Variants in STAT5B observed in about 807,000 individuals in gnomAD.
STAT5B encodes signal transducer and activator of transcription 5B.
In STAT5B, 21 loss-of-function variants were observed where a neutral mutation model predicts 107.8. The observed-to-expected ratio is 0.19, with a 90% CI of 0.14 to 0.28. STAT5B has a LOEUF of 0.28. Among genes scored for constraint, STAT5B ranks in the 10% least tolerant of loss-of-function variants. STAT5B has a pLI of 1.00. For missense variants in STAT5B, 565 were observed against 1,008.2 expected, an observed-to-expected ratio of 0.56 and a Z score of 5.95; for synonymous variants, 325 against 401.7, an observed-to-expected ratio of 0.81 and a Z score of 2.28.
chr17:42,283,564 CAG>C, the STAT5B span, among the ~76,000 whole-genome samples: 3 of 152,360 alleles, frequency 2.0e-5, no homozygotes, highest in Non-Finnish European at 2.9e-5. Flanking sequence ...TTCCCAGAAA[CAG>C]AGGACAGTCA....
chr17:42,281,320 T>A (rs1433853303), upstream of STAT5B, among the ~76,000 whole-genome samples: 1 of 152,078 alleles, frequency 6.6e-6, no homozygotes, highest in Non-Finnish European at 1.5e-5. Flanking sequence ...CCCCAGCAAC[T>A]GTTGTTGCCC....
At chr17:42,254,071 A>G (rs1366823696) in intron 1 of STAT5B, among the ~76,000 whole-genome samples, 1 of 152,174 alleles carries the variant, frequency 6.6e-6, no homozygotes. Context: ...ACAGTGGTAG[A>G]AAATCACTTT....
the STAT5B span, among the ~76,000 whole-genome samples, chr17:42,284,628 C>T: frequency 6.6e-6 from 1 of 152,250 alleles, no homozygotes; most frequent in Non-Finnish European, 1.5e-5. Context: ...GTGCACAGAG[C>T]ACACTGTCCC....
At chr17:42,230,747 G>C (rs2080310800) in intron 2 of STAT5B, among the ~76,000 whole-genome samples, 1 of 151,696 alleles carries the variant, frequency 6.6e-6, no homozygotes, top group Non-Finnish European at 1.5e-5. Flanking sequence ...TGCAACCTCT[G>C]CCTCCCGACT....
At chr17:42,222,008 CTG>C (rs1233830184) in intron 5 of STAT5B, among the ~76,000 whole-genome samples, 10 of 96,950 alleles carry the variant, frequency 1.0e-4, no homozygotes, top group African/African-American at 3.2e-4. Flanking sequence ...TGTGTGTGTG[CTG>C]TGTGTGGTGT....
Position 42,201,699 on chromosome 17 carries a change from G to A in STAT5B, c.*39C>T. On this transcript the variant is annotated 3_prime_UTR_variant, in exon 19 of 19. Transcript: ENST00000293328. ...AAACATCCACAAGAGTGATTCCTCTGGTGAAGATGAAGAAGCTGAAGATGG... is the reference window on the plus strand; with the variant it reads ...AAACATCCACAAGAGTGATTCCTCTAGTGAAGATGAAGAAGCTGAAGATGG... The A allele has an allele frequency of 8.2e-7, 1 of 1,225,778 alleles. No individual in the cohort carries two copies. The highest frequency in any genetic ancestry group is 1.2e-6 in the Non-Finnish European group (1 of 825,154). The allele number at this position is 1,225,778 out of a possible 1,614,324, so 75.9% of individuals were successfully genotyped here. A position where few individuals can be genotyped will look rare whatever the true frequency, so the allele number is the denominator to read the frequency against.
chr17:42,241,388 T>G (rs895372664), intron 1 of STAT5B, among the ~76,000 whole-genome samples: 7 of 151,688 alleles, frequency 4.6e-5, no homozygotes, highest in African/African-American at 1.7e-4. Context: ...TTTACTGCTT[T>G]CTGTTGATAC....
upstream of STAT5B, among the ~76,000 whole-genome samples, chr17:42,281,235 T>C (rs1447071645): frequency 6.6e-6 from 1 of 151,966 alleles, no homozygotes; most frequent in Non-Finnish European, 1.5e-5. Flanking sequence ...CACGTGTAAA[T>C]CATAGTTAGG....
intron 16 of STAT5B, among the ~76,000 whole-genome samples, chr17:42,204,736 T>C (rs1449031004): frequency 6.6e-6 from 1 of 152,258 alleles, no homozygotes; most frequent in Non-Finnish European, 1.5e-5. Context: ...AGCCTCTGCC[T>C]TCTGAGTAGC....
At chr17:42,280,280 G>A (rs1270739558), upstream of STAT5B, among the ~76,000 whole-genome samples, 1 of 152,072 alleles carries the variant, frequency 6.6e-6, no homozygotes, top group Non-Finnish European at 1.5e-5. Flanking sequence ...TGGGGGTCTA[G>A]TCCACAGCCC....
chr17:42,245,095 T>G (rs2080439948), intron 1 of STAT5B, among the ~76,000 whole-genome samples: 1 of 146,030 alleles, frequency 6.8e-6, no homozygotes, highest in Non-Finnish European at 1.5e-5. Context: ...TTTTTTTTTT[T>G]GAGATGGAGT....
chr17:42,243,118 T>C (rs967929624), intron 1 of STAT5B, among the ~76,000 whole-genome samples: 7 of 144,712 alleles, frequency 4.8e-5, no homozygotes, highest in African/African-American at 1.8e-4. Context: ...CCAAGAATGA[T>C]CAATTAAAAA....
chr17:42,258,912 T>C (rs1341928203), intron 1 of STAT5B, among the ~76,000 whole-genome samples: 1 of 152,100 alleles, frequency 6.6e-6, no homozygotes, highest in Non-Finnish European at 1.5e-5. Context: ...ACAGCAAAAC[T>C]GGGGGGAACT....
chr17:42,219,605 C>T lies in STAT5B; in HGVS notation c.681+107G>A, dbSNP rs552975445. On this transcript the variant is annotated intron_variant, in intron 6 of 18. Transcript: ENST00000293328. ...GCAAGGCCCCCAGGAAAAAAGGCCT[C>T]CTGCCCTCCCAGGTTCTGCTCTCAT... The T allele has an allele frequency of 2.9e-4, 398 of 1,368,918 alleles. 2 individuals carry two copies. The South Asian group carries it at 3.2e-3, about 11-fold the overall frequency. 84.8% of individuals were successfully genotyped at this position (1,368,918 alleles called of 1,614,324 possible).
intron 12 of STAT5B, among the ~76,000 whole-genome samples, chr17:42,213,967 C>A (rs1205523716): frequency 6.6e-6 from 1 of 150,516 alleles, no homozygotes; most frequent in African/African-American, 2.4e-5. Context: ...CATGGTGAGA[C>A]CTGGTCTCTA....
At chr17:42,284,981 A>T in the STAT5B span, among the ~76,000 whole-genome samples, 3 of 152,212 alleles carry the variant, frequency 2.0e-5, no homozygotes, top group Non-Finnish European at 4.4e-5. Context: ...GCCTTGATGT[A>T]GTTCAGGATA....
chr17:42,257,134 G>A (rs1046051746), intron 1 of STAT5B, among the ~76,000 whole-genome samples: 7 of 152,200 alleles, frequency 4.6e-5, no homozygotes, highest in African/African-American at 7.2e-5. Flanking sequence ...ATGTGGCAGT[G>A]AACAAAACAG....
At chr17:42,260,012 A>G (rs2080580853) in intron 1 of STAT5B, among the ~76,000 whole-genome samples, 1 of 152,184 alleles carries the variant, frequency 6.6e-6, no homozygotes, top group Non-Finnish European at 1.5e-5. Context: ...AGACAGCCCT[A>G]TATTTCATTT....
chr17:42,201,941 G>C lies in STAT5B; in HGVS notation c.2238-77C>G, dbSNP rs992978077. On this transcript the variant is annotated intron_variant, in intron 18 of 18. Transcript: ENST00000293328. ...CACCCCAAGCCCCACAGGCCACCAGGGGAGCAGTCTGAGCCAGCCTATGCC... is the reference window on the plus strand; with the variant it reads ...CACCCCAAGCCCCACAGGCCACCAGCGGAGCAGTCTGAGCCAGCCTATGCC... 1.2e-5 allele frequency: 17 copies of C among 1,454,128 alleles called. No homozygotes were observed. The African/African-American group carries it at 2.1e-4, about 18-fold the overall frequency. 90.1% of individuals were successfully genotyped at this position (1,454,128 alleles called of 1,614,324 possible).
Sources: gnomAD v4.1 joint callset for allele counts (sites outside exome capture counted in the v4.1 genomes callset) on GRCh38, gnomAD v4.1.1 for gene constraint, MANE v1.5 for transcripts, NCBI Gene and HGNC (gene_info 2026-07-23, HGNC 2026-07-21) for gene names.